The following SIRPA variants were observed in gnomAD, a reference collection of about 807,000 sequenced individuals.
SIRPA encodes the protein signal regulatory protein alpha, also known as tyrosine-protein phosphatase non-receptor type substrate 1.
In SIRPA, 9 loss-of-function variants were observed where a neutral mutation model predicts 50.3. That is an observed-to-expected ratio of 0.18 (90% CI 0.11 to 0.31). The LOEUF is 0.31. Ranked by LOEUF, SIRPA falls within the 10% of genes least tolerant of loss-of-function variation. SIRPA has a pLI of 1.00. For missense variants in SIRPA, 474 were observed against 661.6 expected (o/e 0.72, Z 3.11); for synonymous variants, 265 against 284.1 (o/e 0.93, Z 0.68).
intron 1 of SIRPA, among the ~76,000 whole-genome samples, chr20:1,905,887 C>T (rs1984516389): frequency 6.6e-6 from 1 of 152,244 alleles, no homozygotes; most frequent in South Asian, 2.1e-4. Flanking sequence ...CCTGTCCCCG[C>T]TGCCTCCTTG....
At chr20:1,895,396 C>T (rs1201914430), upstream of SIRPA, 4 of 1,123,924 alleles carry the variant, frequency 3.6e-6, no homozygotes, top group Non-Finnish European at 4.7e-6. Flanking sequence ...CCTGCTCCCG[C>T]CCGAGCGCGC....
Position 1,938,055 on chromosome 20 carries a change from C to A in SIRPA, c.*487C>A. On this transcript the variant is annotated 3_prime_UTR_variant, in exon 8 of 8. Coordinates refer to ENST00000358771, the MANE Select transcript of SIRPA (RefSeq NM_001040023.2). ...GGGGCTAGAGTGGGGAAGATTTCCCCTTTAGATCAAACTGCCCCTTCCATG... is the reference window on the plus strand; with the variant it reads ...GGGGCTAGAGTGGGGAAGATTTCCCATTTAGATCAAACTGCCCCTTCCATG... 1 of 159,276 alleles carries A rather than the reference C, an allele frequency of 6.3e-6. No individual in the cohort carries two copies. The highest frequency in any genetic ancestry group is 1.4e-5 in the Non-Finnish European group (1 of 73,110). The allele number at this position is 159,276 out of a possible 1,614,324, so 9.9% of individuals were successfully genotyped here.
intron 1 of SIRPA, among the ~76,000 whole-genome samples, chr20:1,903,029 AAAAGAAAAG>A (rs1241008676): frequency 1.2e-5 from 1 of 82,040 alleles, no homozygotes; most frequent in Non-Finnish European, 2.5e-5. Flanking sequence ...AAAAAAAAAA[AAAAGAAAAG>A]AAAGAAAAGA....
Position 1,922,290 on chromosome 20 carries a change from G to A in SIRPA, c.755-23G>A, listed in dbSNP as rs765504220. The stretch of plus-strand genomic sequence containing the variant: ...GATCTGTCTGTGCCACAAGGTCAGA[G>A]CTTCTGCCCTGTGCTGTTTCAGTTC... On this transcript the variant is annotated intron_variant, in intron 3 of 7. Transcript: ENST00000358771. 7.4e-6 allele frequency: 12 copies of A among 1,612,890 alleles called. No individual in the cohort carries two copies. The East Asian group carries it at 2.0e-4, about 27-fold the overall frequency.
chr20:1,924,918 G>A lies in SIRPA; in HGVS notation c.1201+41G>A, dbSNP rs1985892463. The A allele has an allele frequency of 6.5e-7, 1 of 1,533,156 alleles. No homozygotes were observed. The allele number at this position is 1,533,156 out of a possible 1,614,324, so 95.0% of individuals were successfully genotyped here. A position where few individuals can be genotyped will look rare whatever the true frequency, so the allele number is the denominator to read the frequency against. On this transcript the variant is annotated intron_variant, in intron 5 of 7. Coordinates refer to ENST00000358771, the MANE Select transcript of SIRPA (RefSeq NM_001040023.2). The surrounding 1 kb of genome is among the most constrained non-coding windows in gnomAD (Gnocchi z 4.5). ...TCTTCCTCCCTAAGGGTTTGTCCCT[G>A]GACTGTCCTCGGAGGGAGACGCCAT...
At chr20:1,913,971 A>G (rs1441590395) in intron 1 of SIRPA, among the ~76,000 whole-genome samples, 3 of 151,812 alleles carry the variant, frequency 2.0e-5, no homozygotes, top group Non-Finnish European at 2.9e-5. Context: ...AACCTCTACA[A>G]TTCCTTCCAG....
upstream of SIRPA, among the ~76,000 whole-genome samples, chr20:1,894,959 C>T (rs1983674533): frequency 6.9e-6 from 1 of 144,742 alleles, no homozygotes; most frequent in Non-Finnish European, 1.5e-5. This position sits in a 1 kb window ranked among gnomAD's most constrained non-coding sequence, Gnocchi z 4.0. Context: ...GGAGCCCGGG[C>T]GGGGCAGGTG....
chr20:1,918,360 C>CTTTTTTTTTTTTTT (rs60736526), intron 2 of SIRPA, among the ~76,000 whole-genome samples: 6 of 95,698 alleles, frequency 6.3e-5, no homozygotes, highest in Non-Finnish European at 1.2e-4. Context: ...ACCACACCAG[C>CTTTTTTTTTTTTTT]TTTTTTTTTT....
intron 1 of SIRPA, among the ~76,000 whole-genome samples, chr20:1,900,281 G>A (rs946657533): frequency 4.6e-5 from 7 of 151,922 alleles, no homozygotes; most frequent in African/African-American, 7.3e-5. Flanking sequence ...TGTATTTTTA[G>A]TAGAGACAAG....
chr20:1,902,217 A>G (rs1984258526), intron 1 of SIRPA, among the ~76,000 whole-genome samples: 1 of 152,018 alleles, frequency 6.6e-6, no homozygotes, highest in East Asian at 1.9e-4. Flanking sequence ...AGTGCTAAAC[A>G]TGGGGTATCA....
chr20:1,916,824 G>A (rs1180435198), intron 2 of SIRPA, among the ~76,000 whole-genome samples: 1 of 152,142 alleles, frequency 6.6e-6, no homozygotes, highest in Admixed American at 6.5e-5. Flanking sequence ...GGTGGGAGAC[G>A]CCCACTGCAA....
chr20:1,931,386 G>A (rs59590966), intron 6 of SIRPA, among the ~76,000 whole-genome samples: 5,190 of 151,974 alleles, frequency 0.034, 274 homozygotes, highest in African/African-American at 0.12. Flanking sequence ...CTTCAGCCTC[G>A]ACATCTCTTG....
rs888985502 is a variant in SIRPA, at chr20:1,938,329, C to T, written c.*761C>T. The T allele has an allele frequency of 6.5e-6, 1 of 152,722 alleles. No homozygotes were observed. Among genetic ancestry groups the T allele is most frequent in the Admixed American group, 6.5e-5 (1 of 15,282 alleles). 9.5% of individuals were successfully genotyped at this position (152,722 alleles called of 1,614,324 possible). Reference sequence around the variant, plus strand: ...CCTGAGCTTGCCCCTCCAGCTAGCACTAAGCAACATCTCGCTGTGGACGCC... The same window carrying T: ...CCTGAGCTTGCCCCTCCAGCTAGCATTAAGCAACATCTCGCTGTGGACGCC... On this transcript the variant is annotated 3_prime_UTR_variant, in exon 8 of 8. Coordinates refer to ENST00000358771, the MANE Select transcript of SIRPA (RefSeq NM_001040023.2).
intron 1 of SIRPA, among the ~76,000 whole-genome samples, chr20:1,912,991 TG>T (rs1345615428): frequency 2.0e-5 from 3 of 152,210 alleles, no homozygotes; most frequent in Non-Finnish European, 2.9e-5. Context: ...GGCCGTCTGA[TG>T]CTGGCTGGGC....
chr20:1,894,522 G>C (rs921674451), upstream of SIRPA: 2 of 152,120 alleles, frequency 1.3e-5, no homozygotes, highest in African/African-American at 4.8e-5. This position sits in a 1 kb window ranked among gnomAD's most constrained non-coding sequence, Gnocchi z 4.0. Context: ...GCGCAGGTCC[G>C]GGCCCGGCAG....
chr20:1,903,011 CAAAAAAAAAAAAA>C (rs58735842), intron 1 of SIRPA, among the ~76,000 whole-genome samples: 50 of 90,892 alleles, frequency 5.5e-4, no homozygotes, highest in African/African-American at 2.0e-3. Flanking sequence ...GACTCTGTCT[CAAAAAAAAAAAAA>C]AAAAAAAAGA....
intron 2 of SIRPA, among the ~76,000 whole-genome samples, chr20:1,918,239 C>A (rs925623332): frequency 6.6e-6 from 1 of 151,962 alleles, no homozygotes; most frequent in African/African-American, 2.4e-5. Flanking sequence ...ACTCTTGTTG[C>A]CCAGGCTGGA....
chr20:1,927,777 T>TC lies in SIRPA; in HGVS notation c.1202-96dup. The TC allele has an allele frequency of 9.5e-7, 1 of 1,048,192 alleles. No homozygotes were observed. The allele number at this position is 1,048,192 out of a possible 1,614,324, so 64.9% of individuals were successfully genotyped here. On this transcript the variant is annotated intron_variant, in intron 5 of 7. Transcript: ENST00000358771. This position sits in a 1 kb window ranked among gnomAD's most constrained non-coding sequence, Gnocchi z 6.5. ...AAGGATGTGATTACAGCATTTCCTC[T>TC]CCATGTCCCTGGAGGCAAACCTTTT...
rs750748085 is a variant in SIRPA at position 1,934,673 on chromosome 20, A to G, written c.1227-42A>G. On this transcript the variant is annotated intron_variant, in intron 6 of 7. Transcript: ENST00000358771. The surrounding 1 kb of genome is among the most constrained non-coding windows in gnomAD (Gnocchi z 4.6). The stretch of plus-strand genomic sequence containing the variant: ...TTATCAGTTTGCATGAGCACTTGAG[A>G]TAGTGAGGGTATTTTTATCTGTGTG... 1 of 1,602,368 alleles carries G rather than the reference A, an allele frequency of 6.2e-7. No homozygotes were observed. Among genetic ancestry groups the G allele is most frequent in the South Asian group, 1.1e-5 (1 of 90,780 alleles).
Sources: gnomAD v4.1 joint callset for allele counts (sites outside exome capture counted in the v4.1 genomes callset) on GRCh38, gnomAD v4.1.1 for gene constraint, Gnocchi (gnomAD v3.1) non-coding constraint, MANE v1.5 for transcripts, NCBI Gene and HGNC (gene_info 2026-07-23, HGNC 2026-07-21) for gene names.